The following TOPAZ1 variants were observed in gnomAD, a reference collection of about 807,000 sequenced individuals.
TOPAZ1 encodes the protein protein TOPAZ1.
Under a neutral mutation model 172.2 loss-of-function variants are expected in TOPAZ1, and 66 were observed. The ratio of observed to expected loss-of-function variants is 0.38; its 90% CI spans 0.31 to 0.47. The LOEUF is 0.47. TOPAZ1 is among the 20% of genes least tolerant of loss of function. The pLI is 0.99. For missense variants in TOPAZ1, 1,822 were observed against 1,972.4 expected, an observed-to-expected ratio of 0.92 and a Z score of 1.44; for synonymous variants, 681 against 683.9, an observed-to-expected ratio of 1.00 and a Z score of 0.07.
At position 44,243,224 on chromosome 3, in the gene TOPAZ1, G is replaced by C. The variant is rs1214575316; in HGVS notation, c.718G>C (p.Asp240His). Residue 240 changes from aspartate to histidine, a missense_variant, in exon 2 of 20, where the codon GAT becomes CAT. This residue lies in a region of TOPAZ1 where 1,489 missense variants were observed against 1,490.8 expected (regional missense o/e 1.00). Transcript: ENST00000309765. ...TTTCCCCCATTCCAAGGGTTGTAAT[G>C]ATGAAAACAACCTGCCATATAAACC... is the stretch of plus-strand genomic sequence containing the variant. ...NCFPHSKGCN[D>H]ENNLPYKPDG... 2 of 1,549,946 alleles carry C rather than the reference G, an allele frequency of 1.3e-6. No individual in the cohort carries two copies. Among genetic ancestry groups the C allele is most frequent in the Admixed American group, 2.0e-5 (1 of 50,710 alleles).
chr3:44,306,825 G>A lies in TOPAZ1; in HGVS notation c.4140+399G>A, dbSNP rs866142864. 1.1e-4 allele frequency among the ~76,000 whole-genome samples: 16 copies of A among 152,266 alleles called. No individual in the cohort carries two copies. The South Asian group carries it at 2.3e-3, about 22-fold the overall frequency. ...AATCAGACCTTGGTGATGACCTTGA[G>A]CAGTAGGATATAAATAACTCCCATA... On this transcript the variant is annotated intron_variant, in intron 15 of 19. Coordinates refer to ENST00000309765, the MANE Select transcript of TOPAZ1 (RefSeq NM_001145030.2).
At chr3:44,257,475 T>TA (rs1402833359) in intron 4 of TOPAZ1, among the ~76,000 whole-genome samples, 9 of 13,386 alleles carry the variant, frequency 6.7e-4, no homozygotes, top group African/African-American at 1.9e-3. Flanking sequence ...ATATAGTGTG[T>TA]GTGTGTGTGT....
At chr3:44,295,742 T>C (rs1700187464) in intron 12 of TOPAZ1, among the ~76,000 whole-genome samples, 1 of 152,166 alleles carries the variant, frequency 6.6e-6, no homozygotes. Context: ...AACAAAATTA[T>C]TGAATTGAAA....
chr3:44,274,765 G>A (rs192093545), intron 8 of TOPAZ1, among the ~76,000 whole-genome samples: 2 of 152,004 alleles, frequency 1.3e-5, no homozygotes, highest in African/African-American at 4.8e-5. Flanking sequence ...TGTTGGTCAG[G>A]CTGGTCTTGA....
chr3:44,286,912 T>G (rs1376713093), intron 9 of TOPAZ1, among the ~76,000 whole-genome samples: 1 of 152,162 alleles, frequency 6.6e-6, no homozygotes, highest in African/African-American at 2.4e-5. Flanking sequence ...AATCACAAAC[T>G]GAAATAAAAA....
chr3:44,254,693 G>A (rs1054924887), intron 2 of TOPAZ1, among the ~76,000 whole-genome samples: 4 of 147,668 alleles, frequency 2.7e-5, no homozygotes, highest in Admixed American at 2.7e-4. Context: ...ATACTTTTTT[G>A]AATTTTACAT....
intron 16 of TOPAZ1, among the ~76,000 whole-genome samples, chr3:44,311,823 A>G (rs987647945): frequency 6.6e-6 from 1 of 152,184 alleles, no homozygotes; most frequent in African/African-American, 2.4e-5. Context: ...TAAGAGAAAT[A>G]TACATTACAA....
chr3:44,291,559 C>T (rs1351112586), intron 12 of TOPAZ1, among the ~76,000 whole-genome samples: 7 of 151,548 alleles, frequency 4.6e-5, no homozygotes, highest in Non-Finnish European at 8.8e-5. Flanking sequence ...CGAGATCGCA[C>T]CACTACCTGG....
chr3:44,244,231 T>G lies in TOPAZ1; in HGVS notation c.1725T>G (p.Val575=), dbSNP rs182358146. Residue 575 remains valine (V), a synonymous_variant, in exon 2 of 20, where the codon GTT becomes GTG. Coordinates refer to ENST00000309765, the MANE Select transcript of TOPAZ1 (RefSeq NM_001145030.2). ...LDSNSNCLSS[V]SAVEPTLMVI... is the part of the protein sequence containing the mutation. ...CTAATTCTAATTGTTTGTCTTCAGT[T>G]TCTGCAGTAGAACCTACTTTAATGG... 59 of 1,549,442 alleles carry G rather than the reference T, an allele frequency of 3.8e-5. No individual in the cohort carries two copies. The East Asian group carries it at 1.4e-3, about 37-fold the overall frequency.
At chr3:44,336,489 C>G (rs1304471140), downstream of TOPAZ1, among the ~76,000 whole-genome samples, 1 of 152,184 alleles carries the variant, frequency 6.6e-6, no homozygotes, top group Non-Finnish European at 1.5e-5. Flanking sequence ...CTGGGATCAT[C>G]CACAGAGATG....
At chr3:44,273,841 T>C (rs1465731795) in intron 8 of TOPAZ1, among the ~76,000 whole-genome samples, 3 of 152,172 alleles carry the variant, frequency 2.0e-5, no homozygotes, top group Non-Finnish European at 4.4e-5. Context: ...AGAATATAGA[T>C]AGGCAAATTA....
Position 44,245,212 on chromosome 3 carries a change from A to G in TOPAZ1, c.2706A>G (p.Gln902=). 1 of 1,550,912 alleles carries G rather than the reference A, an allele frequency of 6.4e-7. No individual in the cohort carries two copies. Among genetic ancestry groups the G allele is most frequent in the Non-Finnish European group, 8.7e-7 (1 of 1,146,850 alleles). Residue 902 remains glutamine (Q), a synonymous_variant, in exon 2 of 20, where the codon CAA becomes CAG. Transcript: ENST00000309765. ...AGCCCAATGTTGCTGGAGAGCACCA[A>G]TCAACAGACTCCAAGTACATGGAAA... The part of the protein sequence containing the change: ...SQEPNVAGEH[Q]STDSKYMETP...
At chr3:44,253,135 T>C (rs188821618) in intron 2 of TOPAZ1, among the ~76,000 whole-genome samples, 282 of 152,258 alleles carry the variant, frequency 1.9e-3, no homozygotes, top group African/African-American at 6.5e-3. Context: ...AAAATGACCA[T>C]AGAATTTACC....
intron 2 of TOPAZ1, among the ~76,000 whole-genome samples, chr3:44,245,712 T>G (rs1699557428): frequency 6.6e-6 from 1 of 152,048 alleles, no homozygotes; most frequent in Non-Finnish European, 1.5e-5. Context: ...AATTTGTTTT[T>G]GTATTTTTAG....
intron 16 of TOPAZ1, among the ~76,000 whole-genome samples, chr3:44,316,356 T>C (rs1700452266): frequency 6.6e-6 from 1 of 152,214 alleles, no homozygotes; most frequent in Non-Finnish European, 1.5e-5. Context: ...AATGTGATCT[T>C]TATAATTTTT....
intron 2 of TOPAZ1, among the ~76,000 whole-genome samples, chr3:44,254,059 A>G (rs1486076338): frequency 6.6e-6 from 1 of 152,224 alleles, no homozygotes; most frequent in Non-Finnish European, 1.5e-5. Flanking sequence ...GTTGGCTTTA[A>G]GGACATCTTA....
At chr3:44,285,395 G>A (rs1008787120) in intron 9 of TOPAZ1, among the ~76,000 whole-genome samples, 12 of 152,000 alleles carry the variant, frequency 7.9e-5, no homozygotes, top group Admixed American at 4.6e-4. Context: ...AAGCCCAGGA[G>A]GCAGAGGTTG....
intron 16 of TOPAZ1, among the ~76,000 whole-genome samples, chr3:44,318,531 G>C (rs1309046309): frequency 2.0e-5 from 3 of 151,698 alleles, no homozygotes; most frequent in Admixed American, 6.6e-5. Flanking sequence ...CATAGAGAGG[G>C]GGTCAGGCTT....
In TOPAZ1 at chr3:44,290,799, C is replaced by T. The variant is rs929098332; in HGVS notation, c.3710C>T (p.Pro1237Leu). The part of the protein sequence containing the change: ...KLVEAGMVLD[P>L]EHFNYIVKLL... ...GTTGAAGCCGGGATGGTGCTTGACC[C>T]AGAGCACTTTAACTATATTGTTAAG... The change falls in exon 12 of 20, where the codon CCA becomes CTA. Residue 1237 changes from proline to leucine, a missense_variant. By Grantham distance (98) the Pro-to-Leu change is moderately conservative. Around this residue, in one of 2 missense-constraint regions of TOPAZ1, gnomAD observed 1,489 missense variants for 1,490.8 expected, o/e 1.00. Transcript: ENST00000309765. 4.5e-6 allele frequency: 7 copies of T among 1,549,580 alleles called. No homozygotes were observed. In the East Asian group the frequency reaches 1.7e-4, roughly 38 times the overall value.
Sources: gnomAD v4.1 joint callset for allele counts (sites outside exome capture counted in the v4.1 genomes callset) on GRCh38, gnomAD v4.1.1 for gene constraint, gnomAD v4.1.1 regional missense constraint, MANE v1.5 for transcripts, NCBI Gene and HGNC (gene_info 2026-07-23, HGNC 2026-07-21) for gene names.